SEC61A2: variants seen among roughly 807,000 people sequenced by gnomAD.
SEC61A2 encodes SEC61 translocon subunit alpha 2, also known as protein transport protein Sec61 subunit alpha isoform 2.
In SEC61A2, 28 loss-of-function variants were observed where a neutral mutation model predicts 59.9. That is an observed-to-expected ratio of 0.47 (90% confidence interval 0.35 to 0.64). The LOEUF is 0.64. Among genes scored for constraint, SEC61A2 ranks in the 30% least tolerant of loss-of-function variants. SEC61A2 has a pLI of 0.01. For missense variants in SEC61A2, 340 were observed against 585.9 expected, an observed-to-expected ratio of 0.58 and a Z score of 4.33; for synonymous variants, 202 against 214.4, an observed-to-expected ratio of 0.94 and a Z score of 0.50.
chr10:12,165,898 TGTTATGACGTCC>T (rs1426367628), downstream of SEC61A2: 1 of 152,148 alleles, frequency 6.6e-6, no homozygotes, highest in African/African-American at 2.4e-5. Flanking sequence ...ATCCACCCAG[TGTTATGACGTCC>T]GATTTTTTTT....
Position 12,164,202 on chromosome 10 carries a change from T to G in SEC61A2, c.1245-66T>G. The G allele has an allele frequency of 6.3e-7, 1 of 1,579,970 alleles. No homozygotes were observed. Among genetic ancestry groups the G allele is most frequent in the East Asian group, 2.3e-5 (1 of 44,040 alleles). ...TATGGCTGCTGCGCCTCGACCTGTC[T>G]TCGTCTCTAGCTGCCGTGCTGTTCC... On this transcript the variant is annotated intron_variant, in intron 11 of 11. Coordinates refer to ENST00000298428, the MANE Select transcript of SEC61A2 (RefSeq NM_018144.4). This position sits in a 1 kb window ranked among gnomAD's most constrained non-coding sequence, Gnocchi z 7.3.
downstream of SEC61A2, chr10:12,169,330 G>T (rs1157357082): frequency 6.5e-7 from 1 of 1,549,748 alleles, no homozygotes; most frequent in Admixed American, 2.0e-5. This position sits in a 1 kb window ranked among gnomAD's most constrained non-coding sequence, Gnocchi z 4.8. Flanking sequence ...TCTACTAAAA[G>T]ATAACCCCGC....
At chr10:12,137,201 T>A (rs1217106976) in intron 3 of SEC61A2, among the ~76,000 whole-genome samples, 9 of 152,130 alleles carry the variant, frequency 5.9e-5, no homozygotes, top group Non-Finnish European at 1.2e-4. Context: ...CCACCATGTC[T>A]GGCTAATTTT....
At chr10:12,137,923 T>C (rs1286424847) in intron 3 of SEC61A2, among the ~76,000 whole-genome samples, 1 of 152,088 alleles carries the variant, frequency 6.6e-6, no homozygotes, top group Non-Finnish European at 1.5e-5. Flanking sequence ...GGAGAACCAC[T>C]TGAACCCAGG....
rs754007561 is a variant in SEC61A2 at position 12,129,754 on chromosome 10, C to T, written c.-34C>T. 6.7e-7 allele frequency: 1 copy of T among 1,488,710 alleles called. No individual in the cohort carries two copies. Among genetic ancestry groups the T allele is most frequent in the Non-Finnish European group, 8.9e-7 (1 of 1,124,450 alleles). The allele number at this position is 1,488,710 out of a possible 1,614,324, so 92.2% of individuals were successfully genotyped here. On this transcript the variant is annotated 5_prime_UTR_variant, in exon 1 of 12. Coordinates refer to ENST00000298428, the MANE Select transcript of SEC61A2 (RefSeq NM_018144.4). This position sits in a 1 kb window ranked among gnomAD's most constrained non-coding sequence, Gnocchi z 5.6. ...AGTCGAGCGAAGGCAGCGCCGAGGC[C>T]GCGGTTTCCCCCTGGGCCTCCCCAG...
At chr10:12,167,515 A>T (rs1834731558), downstream of SEC61A2, 1 of 554,014 alleles carries the variant, frequency 1.8e-6, no homozygotes, top group African/African-American at 1.9e-5. Flanking sequence ...CTGGAGTTAT[A>T]ACAAATTTAA....
chr10:12,164,144 C>T lies in SEC61A2; in HGVS notation c.1245-124C>T. ...ACACCCCTCCACACTGCAGCCTGTTCCCTCTGGAGTTCAGGGAGGCTTTAG... is the reference window on the plus strand; with the variant it reads ...ACACCCCTCCACACTGCAGCCTGTTTCCTCTGGAGTTCAGGGAGGCTTTAG... On this transcript the variant is annotated intron_variant, in intron 11 of 11. Transcript: ENST00000298428. This position sits in a 1 kb window ranked among gnomAD's most constrained non-coding sequence, Gnocchi z 7.3. 2 of 1,073,288 alleles carry T rather than the reference C, an allele frequency of 1.9e-6. No individual in the cohort carries two copies. The highest frequency in any genetic ancestry group is 2.7e-6 in the Non-Finnish European group (2 of 750,710). 66.5% of individuals were successfully genotyped at this position (1,073,288 alleles called of 1,614,324 possible). A position where few individuals can be genotyped will look rare whatever the true frequency, so the allele number is the denominator to read the frequency against.
Position 12,155,543 on chromosome 10 carries a change from A to T in SEC61A2, c.463-235A>T. On this transcript the variant is annotated intron_variant, in intron 6 of 11. Transcript: ENST00000298428. The surrounding 1 kb of genome is among the most constrained non-coding windows in gnomAD (Gnocchi z 4.3). ...ATTCAGATAAGTGTAAATAGACTTT[A>T]AAAGTTGAAATGTCTGCTTTATAAT... is the stretch of plus-strand genomic sequence containing the variant. 1 of 681,442 alleles carries T rather than the reference A, an allele frequency of 1.5e-6. No homozygotes were observed. Among genetic ancestry groups the T allele is most frequent in the Non-Finnish European group, 2.4e-6 (1 of 410,608 alleles). 42.2% of individuals were successfully genotyped at this position (681,442 alleles called of 1,614,324 possible). A position where few individuals can be genotyped will look rare whatever the true frequency, so the allele number is the denominator to read the frequency against.
At chr10:12,140,622 G>A (rs1246775855) in intron 3 of SEC61A2, among the ~76,000 whole-genome samples, 1 of 152,050 alleles carries the variant, frequency 6.6e-6, no homozygotes, top group African/African-American at 2.4e-5. Flanking sequence ...TTGAGATGGA[G>A]TCTCACTCTG....
downstream of SEC61A2, chr10:12,167,657 G>C (rs200505437): frequency 6.4e-7 from 1 of 1,562,612 alleles, no homozygotes; most frequent in Non-Finnish European, 8.8e-7. Flanking sequence ...AGTGAAGAAG[G>C]CCTGGTGGTC....
Position 12,136,161 on chromosome 10 carries a change from G to A in SEC61A2, c.132G>A (p.Val44=), listed in dbSNP as rs1833878054. The stretch of plus-strand genomic sequence containing the variant: ...CTATAACGCTCTTCATTTTCTTAGT[G>A]TGTTGTCAGGTATGTAACTATACTA... ...WTAITLFIFL[V]CCQIPLFGIM... The change falls in exon 3 of 12, where the codon GTG becomes GTA. Residue 44 remains valine, a synonymous_variant. Transcript: ENST00000298428. 1 of 1,576,108 alleles carries A rather than the reference G, an allele frequency of 6.3e-7. No individual in the cohort carries two copies.
At chr10:12,159,837 C>CT (rs34652195) in intron 9 of SEC61A2, among the ~76,000 whole-genome samples, 52,345 of 150,518 alleles carry the variant, frequency 0.35, 9,448 homozygotes, top group Non-Finnish European at 0.41. Flanking sequence ...TCTTAATATG[C>CT]TTTTTTTTTG....
chr10:12,129,943 C>T lies in SEC61A2; in HGVS notation c.7+149C>T. 2.9e-6 allele frequency: 2 copies of T among 697,460 alleles called. No homozygotes were observed. Among genetic ancestry groups the T allele is most frequent in the Non-Finnish European group, 4.1e-6 (2 of 491,866 alleles). The allele number at this position is 697,460 out of a possible 1,614,324, so 43.2% of individuals were successfully genotyped here. ...CTCAGCGGAGGGCACGGGCCGGGGG[C>T]CTCCGCCGAGGCTCCCCTAGCCGTG... On this transcript the variant is annotated intron_variant, in intron 1 of 11. Transcript: ENST00000298428. This position sits in a 1 kb window ranked among gnomAD's most constrained non-coding sequence, Gnocchi z 5.6.
In SEC61A2 at chr10:12,158,980, TC is replaced by T. The variant is rs1423743503; in HGVS notation, c.975+876del. Among the ~76,000 whole-genome samples, 3 of 150,720 alleles carry T rather than the reference TC, an allele frequency of 2.0e-5. No homozygotes were observed. The highest frequency in any genetic ancestry group is 2.9e-5 in the Non-Finnish European group (2 of 67,840). ...TACATCCCCCATCATAATTTTTTTT[TC>T]TTTTTTTTTTTTTTGAGACGGAGTC... On this transcript the variant is annotated intron_variant, in intron 9 of 11. Transcript: ENST00000298428. This position sits in a 1 kb window ranked among gnomAD's most constrained non-coding sequence, Gnocchi z 5.7.
chr10:12,131,976 C>T (rs1192219673), intron 1 of SEC61A2, among the ~76,000 whole-genome samples: 1 of 49,932 alleles, frequency 2.0e-5, no homozygotes, highest in African/African-American at 8.2e-5. Flanking sequence ...GGATTACAGG[C>T]GTGAGCCAAC....
Position 12,158,290 on chromosome 10 carries a change from G to T in SEC61A2, c.975+185G>T. ...GTGTTGCAGAAGTAAGATTGCCCAA[G>T]CGCTTTTTATTATTTTGCTCTCTAG... On this transcript the variant is annotated intron_variant, in intron 9 of 11. Coordinates refer to ENST00000298428, the MANE Select transcript of SEC61A2 (RefSeq NM_018144.4). This position sits in a 1 kb window ranked among gnomAD's most constrained non-coding sequence, Gnocchi z 5.7. The T allele has an allele frequency of 1.8e-6, 1 of 568,454 alleles. No homozygotes were observed. Among genetic ancestry groups the T allele is most frequent in the East Asian group, 3.1e-5 (1 of 32,486 alleles). The allele number at this position is 568,454 out of a possible 1,614,324, so 35.2% of individuals were successfully genotyped here.
chr10:12,142,969 T>TG lies in SEC61A2; in HGVS notation c.142-148_142-147insG. 1.7e-6 allele frequency: 1 copy of TG among 589,864 alleles called. No individual in the cohort carries two copies. The allele number at this position is 589,864 out of a possible 1,614,324, so 36.5% of individuals were successfully genotyped here. On this transcript the variant is annotated intron_variant, in intron 3 of 11. Coordinates refer to ENST00000298428, the MANE Select transcript of SEC61A2 (RefSeq NM_018144.4). This position sits in a 1 kb window ranked among gnomAD's most constrained non-coding sequence, Gnocchi z 5.4. The stretch of plus-strand genomic sequence containing the variant: ...TTAAGTGCACACTTTATACTTTTTT[T>TG]TTTTGAGACAGAGTCTCCTGTCACC...
At chr10:12,138,096 C>T (rs1243582813) in intron 3 of SEC61A2, among the ~76,000 whole-genome samples, 1 of 151,992 alleles carries the variant, frequency 6.6e-6, no homozygotes, top group East Asian at 1.9e-4. Context: ...TATTGAAATA[C>T]TTGTAAGAAC....
intron 3 of SEC61A2, among the ~76,000 whole-genome samples, chr10:12,137,291 A>AGC (rs1384777432): frequency 3.3e-5 from 5 of 152,080 alleles, no homozygotes; most frequent in Admixed American, 6.5e-5. Context: ...AAAATTACTA[A>AGC]AATTTGATGA....
Sources: allele counts gnomAD v4.1 joint callset (sites outside exome capture counted in the v4.1 genomes callset), GRCh38; gene constraint gnomAD v4.1.1; non-coding constraint Gnocchi (gnomAD v3.1); transcripts MANE v1.5; gene names NCBI Gene and HGNC (gene_info 2026-07-23, HGNC 2026-07-21).